Variants in ARMH4 observed in about 807,000 individuals in gnomAD.
ARMH4 encodes the protein armadillo-like helical domain-containing protein 4.
A neutral mutation model predicts 61.9 loss-of-function variants in ARMH4; 49 were observed. That is an observed-to-expected ratio of 0.79 (90% CI 0.63 to 1.00). The LOEUF (loss-of-function observed/expected upper bound fraction) is 1.00, where lower values mean the gene tolerates loss of function less well. ARMH4 is among the 50% of genes least tolerant of loss of function. The pLI is 0.00. For synonymous variants in ARMH4, 368 were observed against 341.5 expected (o/e 1.08, Z -0.85); for missense variants, 934 against 930.0 (o/e 1.00, Z -0.06).
At chr14:58,018,740 C>T (rs887709044) in intron 5 of ARMH4, among the ~76,000 whole-genome samples, 1 of 152,120 alleles carries the variant, frequency 6.6e-6, no homozygotes, top group Non-Finnish European at 1.5e-5. Flanking sequence ...TAAAATAGAA[C>T]TATCATGTGA....
chr14:58,128,499 T>C (rs1886978443), intron 4 of ARMH4, among the ~76,000 whole-genome samples: 1 of 152,190 alleles, frequency 6.6e-6, no homozygotes. Context: ...TGTGAGAATA[T>C]TTATCCCTAA....
chr14:58,111,743 G>GTCACACAA (rs1049054654), intron 4 of ARMH4, among the ~76,000 whole-genome samples: 1 of 151,518 alleles, frequency 6.6e-6, no homozygotes, highest in African/African-American at 2.4e-5. Flanking sequence ...CTGAAGTGCA[G>GTCACACAA]TCACACAATC....
intron 5 of ARMH4, among the ~76,000 whole-genome samples, chr14:58,072,215 C>T (rs4898960): frequency 0.52 from 79,541 of 151,960 alleles, 21,364 homozygotes; most frequent in Middle Eastern, 0.61. Flanking sequence ...AGGAAGTATT[C>T]GTTGAATGAA....
chr14:58,017,860 T>A lies in ARMH4; in HGVS notation c.2090-5710A>T, dbSNP rs981074808. Among the ~76,000 whole-genome samples the A allele has an allele frequency of 2.0e-5, 3 of 151,668 alleles. No individual in the cohort carries two copies. The South Asian group carries it at 6.2e-4, about 31-fold the overall frequency. On this transcript the variant is annotated intron_variant, in intron 5 of 7. Transcript: ENST00000267485. ...ACAAAAAAAAACAAAGCTGGAGGCA[T>A]CAAAGTACCTAACTTCAAAATATAT...
At chr14:58,119,518 G>A (rs893540786) in intron 4 of ARMH4, among the ~76,000 whole-genome samples, 30 of 152,240 alleles carry the variant, frequency 2.0e-4, no homozygotes, top group Admixed American at 5.2e-4. Flanking sequence ...TCCAAGCTAC[G>A]TGTTTGCCTC....
intron 4 of ARMH4, among the ~76,000 whole-genome samples, chr14:58,111,226 G>A (rs1886343196): frequency 2.0e-5 from 3 of 152,034 alleles, no homozygotes; most frequent in African/African-American, 7.2e-5. Context: ...CAATACATAA[G>A]AAGGATAATA....
chr14:58,049,019 T>C (rs548097495), intron 5 of ARMH4, among the ~76,000 whole-genome samples: 44 of 151,990 alleles, frequency 2.9e-4, no homozygotes, highest in African/African-American at 6.5e-4. Context: ...GGGCGGATCA[T>C]GAGGTCAGGA....
intron 4 of ARMH4, among the ~76,000 whole-genome samples, chr14:58,104,055 G>A (rs777189390): frequency 1.1e-4 from 17 of 152,114 alleles, no homozygotes; most frequent in Non-Finnish European, 2.4e-4. Context: ...CAACAAGAAG[G>A]CTGCTACCTT....
intron 5 of ARMH4, among the ~76,000 whole-genome samples, chr14:58,050,153 G>A (rs1341089027): frequency 3.3e-5 from 5 of 152,210 alleles, no homozygotes; most frequent in Non-Finnish European, 7.3e-5. Context: ...TTCAAGTGAA[G>A]CATTTTCCCA....
At chr14:58,113,634 A>G (rs371684326) in intron 4 of ARMH4, among the ~76,000 whole-genome samples, 46 of 152,002 alleles carry the variant, frequency 3.0e-4, no homozygotes, top group African/African-American at 1.1e-3. Context: ...TGGATATCTG[A>G]TTAGATAAGT....
chr14:58,086,872 G>GA (rs1885401605), intron 5 of ARMH4, among the ~76,000 whole-genome samples: 1 of 152,146 alleles, frequency 6.6e-6, no homozygotes, highest in Non-Finnish European at 1.5e-5. Context: ...TAGACACATG[G>GA]AAAGGGGAGA....
intron 5 of ARMH4, among the ~76,000 whole-genome samples, chr14:58,020,521 C>G (rs1882785859): frequency 6.6e-6 from 1 of 152,112 alleles, no homozygotes; most frequent in African/African-American, 2.4e-5. Flanking sequence ...CTCTATGACT[C>G]TGTGTCTGGA....
intron 2 of ARMH4, among the ~76,000 whole-genome samples, chr14:58,134,214 CTT>C (rs1887225891): frequency 6.6e-6 from 1 of 152,166 alleles, no homozygotes; most frequent in Non-Finnish European, 1.5e-5. Flanking sequence ...TGCCAGCACC[CTT>C]AACCACTGTA....
At chr14:58,022,819 G>A (rs1216850360) in intron 5 of ARMH4, among the ~76,000 whole-genome samples, 3 of 152,108 alleles carry the variant, frequency 2.0e-5, no homozygotes. Flanking sequence ...ACATACCTTG[G>A]AGATATTGTA....
intron 6 of ARMH4, 76 bp downstream of exon 6, chr14:58,012,043 C>T (rs1473169490): frequency 9.6e-7 from 1 of 1,041,608 alleles, no homozygotes; most frequent in Non-Finnish European, 1.4e-6. Flanking sequence ...CAAAGCCCTA[C>T]TACTCTGAAG....
At chr14:58,020,054 T>G (rs950130645) in intron 5 of ARMH4, among the ~76,000 whole-genome samples, 6 of 152,148 alleles carry the variant, frequency 3.9e-5, no homozygotes, top group African/African-American at 1.2e-4. Flanking sequence ...TAATTAAGAT[T>G]TGTTAAACAC....
chr14:58,045,137 A>G (rs1242526047), intron 5 of ARMH4, among the ~76,000 whole-genome samples: 1 of 152,260 alleles, frequency 6.6e-6, no homozygotes, highest in Non-Finnish European at 1.5e-5. Context: ...ATTATAAATC[A>G]TGCTGCTATA....
intron 5 of ARMH4, among the ~76,000 whole-genome samples, chr14:58,075,583 T>TCACAC (rs1555339791): frequency 6.6e-6 from 1 of 150,540 alleles, no homozygotes; most frequent in Non-Finnish European, 1.5e-5. Flanking sequence ...GAGGAGAACA[T>TCACAC]CACACACCGG....
At chr14:58,034,801 CAAAG>C (rs1475674436) in intron 5 of ARMH4, among the ~76,000 whole-genome samples, 8 of 52,234 alleles carry the variant, frequency 1.5e-4, no homozygotes, top group African/African-American at 5.6e-4. Context: ...TCAAAAGAGA[CAAAG>C]AAGGCCATTA....
Sources: allele counts gnomAD v4.1 joint callset (sites outside exome capture counted in the v4.1 genomes callset), GRCh38; gene constraint gnomAD v4.1.1; transcripts MANE v1.5; gene names NCBI Gene and HGNC (gene_info 2026-07-23, HGNC 2026-07-21).